MGAM: variants seen among roughly 807,000 people sequenced by gnomAD.
The protein encoded by MGAM is alpha-1,4-glucosidase.
In MGAM, 253 loss-of-function variants were observed where a neutral mutation model predicts 358.8. The ratio of observed to expected loss-of-function variants is 0.71; its 90% CI spans 0.64 to 0.78. The LOEUF (loss-of-function observed/expected upper bound fraction) is 0.78. Ranked by LOEUF, MGAM falls within the 30% of genes least tolerant of loss-of-function variation. The pLI is 0.00. For synonymous variants in MGAM, 1,105 were observed against 1,227.1 expected (o/e 0.90, Z 2.08); for missense variants, 3,080 against 3,432.6 (o/e 0.90, Z 2.57).
chr7:142,070,390 A>C (rs1474876002), intron 43 of MGAM, among the ~76,000 whole-genome samples: 2 of 146,026 alleles, frequency 1.4e-5, no homozygotes, highest in African/African-American at 4.9e-5. Context: ...TTGCAAATAA[A>C]GTTTTAGTGG....
intron 21 of MGAM, among the ~76,000 whole-genome samples, chr7:142,045,422 A>G (rs1357743740): frequency 1.2e-4 from 13 of 111,026 alleles, no homozygotes; most frequent in South Asian, 2.6e-4. Flanking sequence ...ATATATACCT[A>G]TAATACATGA....
chr7:142,040,434 C>G (rs1584965357), intron 20 of MGAM: 1 of 581,814 alleles, frequency 1.7e-6, no homozygotes, highest in East Asian at 2.8e-5. Context: ...ATTGGAGGAA[C>G]TGATGGACAA....
Position 142,059,393 on chromosome 7 carries a change from T to C in MGAM, c.3820-79T>C. 3.2e-6 allele frequency: 5 copies of C among 1,540,806 alleles called. No individual in the cohort carries two copies. In the South Asian group the frequency reaches 4.8e-5, roughly 15 times the overall value. On this transcript the variant is annotated intron_variant, in intron 31 of 70. Transcript: ENST00000475668. The stretch of plus-strand genomic sequence containing the variant: ...CAAGAAGCTGTCTGGAATTCCACCA[T>C]GGGTGGTGGAGGGTTGTTCTCCTAT...
At chr7:141,990,668 GT>G (rs1353274464) in intron 2 of MGAM, among the ~76,000 whole-genome samples, 8 of 151,554 alleles carry the variant, frequency 5.3e-5, no homozygotes, top group Non-Finnish European at 1.0e-4. Context: ...TTTTTTTTAT[GT>G]TTTTTTATTT....
intron 1 of MGAM, among the ~76,000 whole-genome samples, chr7:142,001,737 A>T (rs1309338847): frequency 2.0e-5 from 3 of 152,196 alleles, no homozygotes; most frequent in Non-Finnish European, 2.9e-5. Context: ...AGCATTGTTC[A>T]TCAGCTGCTC....
intron 60 of MGAM, 86 bp from the exon 61 acceptor site, chr7:142,094,278 A>T: frequency 7.1e-7 from 1 of 1,418,416 alleles, no homozygotes; most frequent in Non-Finnish European, 9.6e-7. Context: ...AACATTGACT[A>T]GGCTCAAGGG....
chr7:142,049,095 G>A (rs1810690240), intron 22 of MGAM, among the ~76,000 whole-genome samples: 1 of 152,148 alleles, frequency 6.6e-6, no homozygotes, highest in African/African-American at 2.4e-5. Flanking sequence ...TCACATGTAA[G>A]TGAGACCATG....
intron 65 of MGAM, 71 bp from the exon 66 acceptor site, chr7:142,097,522 T>A (rs1816035333): frequency 6.9e-7 from 1 of 1,449,336 alleles, no homozygotes; most frequent in East Asian, 2.3e-5. Context: ...TTAACCTCTT[T>A]CCTAAGTATT....
chr7:142,064,166 G>A (rs1304517605), intron 36 of MGAM, among the ~76,000 whole-genome samples: 3 of 152,194 alleles, frequency 2.0e-5, no homozygotes, highest in Admixed American at 2.0e-4. Context: ...CGTTCTTCCT[G>A]ACACCTCTGC....
intron 21 of MGAM, among the ~76,000 whole-genome samples, chr7:142,043,083 A>AT (rs1809261759): frequency 1.8e-5 from 1 of 54,948 alleles, no homozygotes; most frequent in Non-Finnish European, 3.0e-5. Flanking sequence ...ATCTAAATAT[A>AT]ATATATATAT....
chr7:142,079,732 T>G (rs1278402672), intron 49 of MGAM, among the ~76,000 whole-genome samples: 1 of 146,378 alleles, frequency 6.8e-6, no homozygotes, highest in Non-Finnish European at 1.5e-5. Flanking sequence ...AGATAGTTAG[T>G]GCTGTAATGT....
In MGAM at chr7:142,090,650, T is replaced by C. The variant is rs186823735; in HGVS notation, c.6811-1263T>C. Among the ~76,000 whole-genome samples, 78 of 145,646 alleles carry C rather than the reference T, an allele frequency of 5.4e-4. 4 individuals carry two copies. The highest frequency in any genetic ancestry group is 8.8e-4 in the South Asian group (4 of 4,534). On this transcript the variant is annotated intron_variant, in intron 57 of 70. Transcript: ENST00000475668. ...TGTCTATTGTGTGTAAGAACTGGAG[T>C]TCCCCAGACCAAGTCCTCATTCTGT... is the stretch of plus-strand genomic sequence containing the variant.
Position 142,021,570 on chromosome 7 carries a change from T to G in MGAM, c.559-16T>G. The stretch of plus-strand genomic sequence containing the variant: ...GTTTTTATTTTGGCTTTCCTTCTAT[T>G]TCTATCTCTGCACAGTTGACTGACC... On this transcript the variant is annotated splice_polypyrimidine_tract_variant and intron_variant, in intron 5 of 70. Transcript: ENST00000475668. The G allele has an allele frequency of 6.2e-7, 1 of 1,612,180 alleles. No individual in the cohort carries two copies. Among genetic ancestry groups the G allele is most frequent in the South Asian group, 1.1e-5 (1 of 90,838 alleles).
intron 21 of MGAM, among the ~76,000 whole-genome samples, chr7:142,041,275 G>C (rs934029858): frequency 1.3e-5 from 2 of 151,982 alleles, no homozygotes; most frequent in Admixed American, 1.3e-4. Context: ...CTGTACTAAA[G>C]AGGTGCACAT....
chr7:142,041,968 TATTATATATATATA>T (rs1808740648), intron 21 of MGAM, among the ~76,000 whole-genome samples: 1 of 25,462 alleles, frequency 3.9e-5, no homozygotes, highest in African/African-American at 1.3e-4. Context: ...AATATATATA[TATTATATATATATA>T]ATATAATATA....
Position 141,998,773 on chromosome 7 carries a change from G to A in MGAM, c.-3+2843G>A, listed in dbSNP as rs1804489325. On this transcript the variant is annotated intron_variant, in intron 1 of 70. Transcript: ENST00000475668. ...TTATAATCCTTCGGGTACATACCCT[G>A]TAATGGGATTGCTGGGTCAAATGGT... Among the ~76,000 whole-genome samples, 5 of 152,148 alleles carry A rather than the reference G, an allele frequency of 3.3e-5. No homozygotes were observed. The South Asian group carries it at 1.0e-3, about 32-fold the overall frequency.
Position 142,106,195 on chromosome 7 carries a change from G to T in MGAM, c.*304G>T. 4.9e-6 allele frequency: 1 copy of T among 203,120 alleles called. No homozygotes were observed. Among genetic ancestry groups the T allele is most frequent in the Non-Finnish European group, 1.0e-5 (1 of 97,600 alleles). The allele number at this position is 203,120 out of a possible 1,614,324, so 12.6% of individuals were successfully genotyped here. A position where few individuals can be genotyped will look rare whatever the true frequency, so the allele number is the denominator to read the frequency against. On this transcript the variant is annotated 3_prime_UTR_variant, in exon 71 of 71. Coordinates refer to ENST00000475668, the MANE Select transcript of MGAM (RefSeq NM_001365693.1). ...GAACTGGGTCCATGATGAAGTGTGT[G>T]TATGTCCACGTTTGTAATCATAGAA...
chr7:142,031,881 AGAG>A (rs1469611151), intron 13 of MGAM, 88 bp downstream of exon 13: 21 of 860,760 alleles, frequency 2.4e-5, no homozygotes, highest in South Asian at 7.7e-5. Flanking sequence ...GAGCATAGGG[AGAG>A]GAGGAGGAGA....
At position 142,091,953 on chromosome 7, in the gene MGAM, A is replaced by T. The variant is rs1241909096; in HGVS notation, c.6851A>T (p.Asn2284Ile). 4 of 1,532,200 alleles carry T rather than the reference A, an allele frequency of 2.6e-6. No homozygotes were observed. The South Asian group carries it at 4.6e-5, about 18-fold the overall frequency. 94.9% of individuals were successfully genotyped at this position (1,532,200 alleles called of 1,614,324 possible). The change falls in exon 58 of 71, where the codon AAT becomes ATT. Residue 2284 changes from asparagine to isoleucine, a missense_variant. Asn to Ile is a moderately radical substitution (Grantham distance 149). Coordinates refer to ENST00000475668, the MANE Select transcript of MGAM (RefSeq NM_001365693.1). ...GTGGCCTTCCCAGACTTTTTCCGTA[A>T]TTCAACTGCCAAGTGGTGGAAGAGG... ...AYVAFPDFFR[N>I]STAKWWKREI...
Sources: allele counts gnomAD v4.1 joint callset (sites outside exome capture counted in the v4.1 genomes callset), GRCh38; gene constraint gnomAD v4.1.1; transcripts MANE v1.5; gene names NCBI Gene and HGNC (gene_info 2026-07-23, HGNC 2026-07-21).